Variants in SHANK2 observed in about 807,000 individuals in gnomAD.
The protein encoded by SHANK2 is SH3 and multiple ankyrin repeat domains 2, also known as SH3 and multiple ankyrin repeat domains protein 2.
A neutral mutation model predicts 133.7 loss-of-function variants in SHANK2; 43 were observed. The observed-to-expected ratio is 0.32, with a 90% confidence interval of 0.25 to 0.41. The LOEUF is 0.41. Among genes scored for constraint, SHANK2 ranks in the 10% least tolerant of loss-of-function variants. The probability of loss-of-function intolerance (pLI) is 1.00; values close to 1 mark genes in which losing one functional copy is unlikely to be tolerated. For synonymous variants in SHANK2, 1,017 were observed against 952.8 expected (o/e 1.07, Z -1.24); for missense variants, 1,994 against 2,235.8 (o/e 0.89, Z 2.18).
At chr11:70,573,411 A>G (rs1275954321) in intron 17 of SHANK2, among the ~76,000 whole-genome samples, 1 of 151,760 alleles carries the variant, frequency 6.6e-6, no homozygotes, top group Non-Finnish European at 1.5e-5. Context: ...ACACACGTGA[A>G]AACTTATAGA....
intron 11 of SHANK2, chr11:70,864,346 A>T (rs1349377006): frequency 6.3e-6 from 1 of 159,066 alleles, no homozygotes; most frequent in African/African-American, 2.4e-5. Context: ...GAAGTTTAGG[A>T]AAAATCCAGC....
At chr11:70,941,472 G>A (rs781901098) in intron 10 of SHANK2, among the ~76,000 whole-genome samples, 4 of 152,296 alleles carry the variant, frequency 2.6e-5, no homozygotes, top group East Asian at 1.9e-4. Flanking sequence ...TGTTGGGGTC[G>A]CTATGGACTA....
intron 17 of SHANK2, among the ~76,000 whole-genome samples, chr11:70,551,796 G>A (rs973087739): frequency 6.6e-6 from 1 of 152,234 alleles, no homozygotes; most frequent in Non-Finnish European, 1.5e-5. Flanking sequence ...CCTGGTCCCT[G>A]GCCTGGAGTG....
intron 17 of SHANK2, among the ~76,000 whole-genome samples, chr11:70,544,825 C>T (rs1201458600): frequency 1.3e-5 from 2 of 152,242 alleles, no homozygotes; most frequent in East Asian, 3.8e-4. Context: ...GCAAATGTCA[C>T]CGGGGCTGTC....
intron 14 of SHANK2, among the ~76,000 whole-genome samples, chr11:70,759,433 G>A (rs990927323): frequency 6.6e-6 from 1 of 152,092 alleles, no homozygotes; most frequent in Non-Finnish European, 1.5e-5. Flanking sequence ...AGTGAGCCCA[G>A]ATCGCACCAC....
Position 71,175,124 on chromosome 11 carries a change from A to T in SHANK2, c.-12-27786T>A, listed in dbSNP as rs1264638324. Reference sequence around the variant, plus strand: ...TTTACCAGAGCAAGGGATTTTGTTAAATCTGTGCCTTATCTATTTTGTGTG... The same window carrying T: ...TTTACCAGAGCAAGGGATTTTGTTATATCTGTGCCTTATCTATTTTGTGTG... On this transcript the variant is annotated intron_variant, in intron 2 of 25. Coordinates refer to ENST00000601538, the MANE Select transcript of SHANK2 (RefSeq NM_012309.5). This position sits in a 1 kb window ranked among gnomAD's most constrained non-coding sequence, Gnocchi z 4.2. Among the ~76,000 whole-genome samples, 1 of 152,180 alleles carries T rather than the reference A, an allele frequency of 6.6e-6. No individual in the cohort carries two copies. The highest frequency in any genetic ancestry group is 2.4e-5 in the African/African-American group (1 of 41,438).
At chr11:71,170,990 C>A (rs139412563) in intron 2 of SHANK2, among the ~76,000 whole-genome samples, 1 of 152,192 alleles carries the variant, frequency 6.6e-6, no homozygotes, top group Non-Finnish European at 1.5e-5. Flanking sequence ...GGGGACTGGG[C>A]GTCCAAGATC....
chr11:70,556,977 G>A (rs527732454), intron 17 of SHANK2, among the ~76,000 whole-genome samples: 1 of 152,178 alleles, frequency 6.6e-6, no homozygotes, highest in Admixed American at 6.5e-5. Context: ...CCTGCCCTTG[G>A]CCTCCCAAGG....
chr11:70,495,928 A>G, intron 21 of SHANK2: 1 of 155,744 alleles, frequency 6.4e-6, no homozygotes, highest in Non-Finnish European at 1.5e-5. Flanking sequence ...GCACCTGTGG[A>G]GATGCAGGAA....
chr11:70,816,358 G>A (rs976898799), intron 12 of SHANK2, among the ~76,000 whole-genome samples: 18 of 152,372 alleles, frequency 1.2e-4, no homozygotes, highest in Non-Finnish European at 2.1e-4. Context: ...GGGATGTTCA[G>A]CACCGGTTGC....
intron 12 of SHANK2, among the ~76,000 whole-genome samples, 165 bp downstream of exon 12, chr11:70,820,199 G>A (rs918074077): frequency 1.3e-5 from 2 of 152,206 alleles, no homozygotes; most frequent in African/African-American, 4.8e-5. Context: ...AGGGGAGACC[G>A]TGCCAGCAGG....
chr11:71,109,266 C>A (rs1555098607), intron 6 of SHANK2, among the ~76,000 whole-genome samples: 1 of 152,114 alleles, frequency 6.6e-6, no homozygotes. Context: ...GCCCTGCTGG[C>A]AAGAGACTGT....
At chr11:70,584,941 G>C (rs569315633) in intron 17 of SHANK2, among the ~76,000 whole-genome samples, 2 of 152,206 alleles carry the variant, frequency 1.3e-5, no homozygotes, top group African/African-American at 4.8e-5. Flanking sequence ...GTGCTGGCAC[G>C]GTCTGGTGCA....
At chr11:70,555,914 C>G (rs1250863232) in intron 17 of SHANK2, among the ~76,000 whole-genome samples, 9 of 152,200 alleles carry the variant, frequency 5.9e-5, no homozygotes, top group Admixed American at 1.3e-4. Context: ...TCTATGAAGG[C>G]TGAGAGAGGT....
intron 11 of SHANK2, among the ~76,000 whole-genome samples, chr11:70,886,718 CA>C (rs1565384298): frequency 7.9e-5 from 12 of 151,508 alleles, no homozygotes; most frequent in South Asian, 2.1e-4. Flanking sequence ...CACACACACA[CA>C]CACCCCTAAC....
chr11:70,802,084 C>A (rs572948234), intron 13 of SHANK2, among the ~76,000 whole-genome samples: 13 of 152,250 alleles, frequency 8.5e-5, no homozygotes, highest in Non-Finnish European at 1.5e-4. Flanking sequence ...GGTGAAGGCA[C>A]TGCACCCAGG....
At chr11:71,167,535 CGGGGGGCTG>C in intron 2 of SHANK2, among the ~76,000 whole-genome samples, 1 of 122,908 alleles carries the variant, frequency 8.1e-6, no homozygotes, top group Admixed American at 7.4e-5. Context: ...GCTGGCCGGG[CGGGGGGCTG>C]ACCCCCCCAC....
chr11:70,868,766 G>A (rs1555069613), intron 11 of SHANK2, among the ~76,000 whole-genome samples: 1 of 152,352 alleles, frequency 6.6e-6, no homozygotes, highest in East Asian at 1.9e-4. Context: ...GGAAAGCCCT[G>A]TTTGGACACA....
At chr11:70,733,030 G>A (rs1387770256) in intron 14 of SHANK2, among the ~76,000 whole-genome samples, 1 of 152,240 alleles carries the variant, frequency 6.6e-6, no homozygotes, top group Admixed American at 6.5e-5. Flanking sequence ...CTAAGCAGTG[G>A]CGAGGGCACA....
Sources: allele counts gnomAD v4.1 joint callset (sites outside exome capture counted in the v4.1 genomes callset), GRCh38; gene constraint gnomAD v4.1.1; non-coding constraint Gnocchi (gnomAD v3.1); transcripts MANE v1.5; gene names NCBI Gene and HGNC (gene_info 2026-07-23, HGNC 2026-07-21).